TAS1R1: variants seen among roughly 807,000 people sequenced by gnomAD.
TAS1R1 encodes the protein taste receptor type 1 member 1.
TAS1R1 carries 31 observed loss-of-function variants against 45.8 expected under a neutral mutation model. The ratio of observed to expected loss-of-function variants is 0.68; its 90% CI spans 0.51 to 0.91. The LOEUF (loss-of-function observed/expected upper bound fraction) is 0.91. TAS1R1 is among the 40% of genes least tolerant of loss of function. The probability of loss-of-function intolerance (pLI) is 0.00; values close to 1 mark genes in which losing one functional copy is unlikely to be tolerated. For synonymous variants in TAS1R1, 437 were observed against 448.4 expected, an observed-to-expected ratio of 0.97 and a Z score of 0.32; for missense variants, 1,051 against 1,063.9, an observed-to-expected ratio of 0.99 and a Z score of 0.17.
At chr1:6,562,265 T>TTCACATCATTCTCCTGCCTCAGCC (rs1270401347) in intron 1 of TAS1R1, among the ~76,000 whole-genome samples, 4 of 152,126 alleles carry the variant, frequency 2.6e-5, no homozygotes, top group Non-Finnish European at 5.9e-5. Context: ...GCCTCCCAGG[T>TTCACATCATTCTCCTGCCTCAGCC]TCACATCATT....
intron 2 of TAS1R1, among the ~76,000 whole-genome samples, chr1:6,572,248 A>G (rs1640036860): frequency 6.8e-6 from 1 of 146,246 alleles, no homozygotes; most frequent in African/African-American, 2.5e-5. Context: ...GTCCTTCTTT[A>G]TCTTAGGTGA....
chr1:6,574,846 C>T lies in TAS1R1; in HGVS notation c.714C>T (p.Cys238=). The T allele has an allele frequency of 6.2e-7, 1 of 1,614,276 alleles. No individual in the cohort carries two copies. The highest frequency in any genetic ancestry group is 1.1e-5 in the South Asian group (1 of 91,092). Residue 238 remains cysteine, a synonymous_variant, in exon 3 of 6, where the codon TGC becomes TGT. Transcript: ENST00000333172. This position sits in a 1 kb window ranked among gnomAD's most constrained non-coding sequence, Gnocchi z 4.3. The part of the protein sequence containing the change: ...LENQATGQGI[C]IAFKDIMPFS... ...ACCAGGCCACTGGTCAGGGGATCTG[C>T]ATTGCTTTCAAGGACATCATGCCCT...
In TAS1R1 at chr1:6,579,213, G is replaced by A. The variant is rs953670328; in HGVS notation, c.2155G>A (p.Glu719Lys). The A allele has an allele frequency of 6.2e-7, 1 of 1,614,198 alleles. No homozygotes were observed. ...GCGCTTCCCCCATCTGGTGATGCTT[G>A]AGTGCACAGAGACCAACTCCCTGGG... Reference protein sequence around the residue: ...YQRFPHLVMLECTETNSLGFI... With the variant: ...YQRFPHLVMLKCTETNSLGFI... The change falls in exon 6 of 6, where the codon GAG (glutamate) becomes AAG (lysine). Residue 719 changes from glutamate to lysine, a missense_variant. Glu to Lys is a moderately conservative substitution (Grantham distance 56, BLOSUM62 1). Coordinates refer to ENST00000333172, the MANE Select transcript of TAS1R1 (RefSeq NM_138697.4).
chr1:6,576,564 A>T lies in TAS1R1; in HGVS notation c.1410A>T (p.Thr470=), dbSNP rs767758419. 3.7e-6 allele frequency: 6 copies of T among 1,614,250 alleles called. No individual in the cohort carries two copies. In the South Asian group the frequency reaches 5.5e-5, roughly 15 times the overall value. The change falls in exon 4 of 6, where the codon ACA becomes ACT. Residue 470 remains threonine, a synonymous_variant. Coordinates refer to ENST00000333172, the MANE Select transcript of TAS1R1 (RefSeq NM_138697.4). The part of the protein sequence containing the change: ...KWTFTVLGSS[T]WSPVQLNINE... ...CCTTCACGGTCCTCGGTTCCTCCAC[A>T]TGGTCTCCAGTTCAGCTAAACATAA...
intron 1 of TAS1R1, 114 bp downstream of exon 1, chr1:6,555,678 C>A: frequency 9.9e-7 from 1 of 1,012,234 alleles, no homozygotes; most frequent in African/African-American, 1.6e-5. Flanking sequence ...GAACTGTCCC[C>A]AGGCCTTGTT....
At chr1:6,573,724 G>A (rs1640081071) in intron 2 of TAS1R1, among the ~76,000 whole-genome samples, 1 of 151,552 alleles carries the variant, frequency 6.6e-6, no homozygotes. Context: ...GTGCAGTGGC[G>A]CGATCTCGAC....
intron 3 of TAS1R1, among the ~76,000 whole-genome samples, chr1:6,576,050 G>A (rs902313721): frequency 8.6e-5 from 13 of 151,706 alleles, no homozygotes; most frequent in Middle Eastern, 3.2e-3. Flanking sequence ...GGCTGGTCTC[G>A]AACTCCTGGC....
At chr1:6,555,866 C>CTTCTTTTTT (rs1553185411) in intron 1 of TAS1R1, among the ~76,000 whole-genome samples, 1 of 95,304 alleles carries the variant, frequency 1.0e-5, no homozygotes, top group African/African-American at 3.6e-5. Context: ...TTTCCCTCTT[C>CTTCTTTTTT]TTTTTTTTTT....
chr1:6,555,601 C>A, intron 1 of TAS1R1, 37 bp downstream of exon 1: 2 of 1,523,066 alleles, frequency 1.3e-6, no homozygotes, highest in South Asian at 2.4e-5. Flanking sequence ...CTTAGTGGGA[C>A]CCCTGGCTAT....
chr1:6,564,098 C>T (rs911436881), intron 1 of TAS1R1, among the ~76,000 whole-genome samples: 47 of 152,004 alleles, frequency 3.1e-4, no homozygotes, highest in Non-Finnish European at 2.5e-4. Context: ...CGGAAGGCGG[C>T]GGGTGGGTCA....
rs375476312 is a variant in TAS1R1 at position 6,574,940 on chromosome 1, G to C, written c.808G>C (p.Val270Leu). 1.9e-5 allele frequency: 30 copies of C among 1,610,692 alleles called. No individual in the cohort carries two copies. Among genetic ancestry groups the C allele is most frequent in the Non-Finnish European group, 2.5e-5 (30 of 1,177,384 alleles). The change falls in exon 3 of 6, where the codon GTC becomes CTC. Residue 270 changes from valine (V) to leucine (L), a missense_variant. Physicochemically the swap from Val to Leu is conservative, Grantham distance 32. Transcript: ENST00000333172. The surrounding 1 kb of genome is among the most constrained non-coding windows in gnomAD (Gnocchi z 4.3). ...MRHLAQAGATVVVVFSSRQLA... is the reference protein window; with the variant it reads ...MRHLAQAGATLVVVFSSRQLA... ...CCACCTGGCCCAGGCCGGGGCCACC[G>C]TCGTGGTTGTTTTTTCCAGCCGGCA...
intron 1 of TAS1R1, among the ~76,000 whole-genome samples, chr1:6,568,461 GAAA>G (rs577853147): frequency 9.4e-6 from 1 of 106,324 alleles, no homozygotes. Flanking sequence ...TCTCAAAAAA[GAAA>G]AAAAAAAAAA....
At position 6,571,123 on chromosome 1, in the gene TAS1R1, T is replaced by C; in HGVS notation, c.406T>C (p.Tyr136His). 1 of 1,613,746 alleles carries C rather than the reference T, an allele frequency of 6.2e-7. No homozygotes were observed. The highest frequency in any genetic ancestry group is 8.5e-7 in the Non-Finnish European group (1 of 1,179,802). The change falls in exon 2 of 6, where the codon TAT (tyrosine) becomes CAT (histidine). Residue 136 changes from tyrosine (Y) to histidine (H), a missense_variant. Physicochemically the swap from Tyr to His is moderately conservative, Grantham distance 83 (BLOSUM62 2). Coordinates refer to ENST00000333172, the MANE Select transcript of TAS1R1 (RefSeq NM_138697.4). ...AGAGCTCCAAGGAGACCTTCTCCAC[T>C]ATTCCCCTACGGTGCTGGCAGTGAT... ...HIELQGDLLH[Y>H]SPTVLAVIGP... is the part of the protein sequence containing the mutation.
intron 1 of TAS1R1, among the ~76,000 whole-genome samples, chr1:6,568,113 A>G (rs890714770): frequency 1.3e-5 from 2 of 152,054 alleles, no homozygotes; most frequent in Non-Finnish European, 2.9e-5. Context: ...TTAAGTTTAC[A>G]CCAGGTGTTG....
chr1:6,558,442 G>A (rs528607898), intron 1 of TAS1R1, among the ~76,000 whole-genome samples: 3 of 152,202 alleles, frequency 2.0e-5, no homozygotes, highest in South Asian at 2.1e-4. Context: ...TATTTTGGCC[G>A]AACGTGGTGG....
chr1:6,556,407 C>CTATCTATA (rs1338172518), intron 1 of TAS1R1, among the ~76,000 whole-genome samples: 1 of 151,012 alleles, frequency 6.6e-6, no homozygotes, highest in Non-Finnish European at 1.5e-5. Context: ...ATCTATCTAT[C>CTATCTATA]TATATTTTTT....
At position 6,555,464 on chromosome 1, in the gene TAS1R1, G is replaced by A. The variant is rs1639658012; in HGVS notation, c.91G>A (p.Asp31Asn). 1 of 1,603,862 alleles carries A rather than the reference G, an allele frequency of 6.2e-7. No individual in the cohort carries two copies. The highest frequency in any genetic ancestry group is 8.5e-7 in the Non-Finnish European group (1 of 1,175,392). ...CTGCCATAGCACGGAGTCTTCTCCT[G>A]ACTTCACCCTCCCCGGAGATTACCT... ...FACHSTESSP[D>N]FTLPGDYLLA... is the part of the protein sequence containing the mutation. Residue 31 changes from aspartate (D) to asparagine (N), a missense_variant, in exon 1 of 6, where the codon GAC becomes AAC. Coordinates refer to ENST00000333172, the MANE Select transcript of TAS1R1 (RefSeq NM_138697.4).
intron 1 of TAS1R1, among the ~76,000 whole-genome samples, chr1:6,561,847 C>T (rs1446749249): frequency 6.6e-6 from 1 of 152,066 alleles, no homozygotes; most frequent in Non-Finnish European, 1.5e-5. Context: ...GGTGATCAGG[C>T]CCAACACCAG....
At chr1:6,566,347 G>T (rs757937627) in intron 1 of TAS1R1, among the ~76,000 whole-genome samples, 1 of 152,108 alleles carries the variant, frequency 6.6e-6, no homozygotes, top group Non-Finnish European at 1.5e-5. Flanking sequence ...GTAGTGGGTG[G>T]TACTGGAGGG....
Sources: gnomAD v4.1 joint callset for allele counts (sites outside exome capture counted in the v4.1 genomes callset) on GRCh38, gnomAD v4.1.1 for gene constraint, Gnocchi (gnomAD v3.1) non-coding constraint, MANE v1.5 for transcripts, NCBI Gene and HGNC (gene_info 2026-07-23, HGNC 2026-07-21) for gene names.